The following STS variants were observed in gnomAD, a reference collection of about 807,000 sequenced individuals.
STS encodes the protein steryl-sulfatase.
A neutral mutation model predicts 26.8 loss-of-function variants in STS; 7 were observed. The ratio of observed to expected loss-of-function variants is 0.26; its 90% confidence interval spans 0.15 to 0.49. The LOEUF is 0.49. Among genes scored for constraint, STS ranks in the 20% least tolerant of loss-of-function variants. The pLI is 0.98. For synonymous variants in STS, 199 were observed against 189.4 expected, an observed-to-expected ratio of 1.05 and a Z score of -0.42; for missense variants, 434 against 465.6, an observed-to-expected ratio of 0.93 and a Z score of 0.63.
intron 2 of STS, among the ~76,000 whole-genome samples, chrX:7,226,737 A>T (rs12388580): frequency 1.5e-4 from 16 of 109,729 alleles, no homozygotes; most frequent in Non-Finnish European, 2.7e-4. Context: ...CTACAAAAAT[A>T]AAAAAATTAG....
intron 8 of STS, among the ~76,000 whole-genome samples, chrX:7,319,966 T>TTATATATATA (rs1926892533): frequency 1.1e-5 from 1 of 90,736 alleles, no homozygotes; most frequent in African/African-American, 4.5e-5. Flanking sequence ...TATATATATA[T>TTATATATATA]TTTATATATA....
intron 2 of STS, among the ~76,000 whole-genome samples, chrX:7,211,249 C>T (rs757491638): frequency 2.0e-4 from 22 of 111,828 alleles, no homozygotes; most frequent in Non-Finnish European, 4.1e-4. Flanking sequence ...TCTTTGGGCT[C>T]AGGAGTCCAA....
chrX:7,166,320 A>G (rs2146993550), intron 1 of STS, among the ~76,000 whole-genome samples: 1 of 110,136 alleles, frequency 9.1e-6, no homozygotes, highest in East Asian at 2.9e-4. Context: ...ATTATCTTAT[A>G]TTTTGCTTCA....
intron 2 of STS, among the ~76,000 whole-genome samples, chrX:7,205,593 TTTTTCTTTTTCTTTTCTTTTCTTTCG>T (rs1364354254): frequency 9.1e-6 from 1 of 109,309 alleles, no homozygotes; most frequent in Non-Finnish European, 1.9e-5. Context: ...TTTCTTTTTC[TTTTTCTTTTTCTTTTCTTTTCTTTCG>T]TTTTCTTTTC....
At chrX:7,293,934 C>T (rs1485947966) in intron 7 of STS, among the ~76,000 whole-genome samples, 2 of 110,557 alleles carry the variant, frequency 1.8e-5, no homozygotes, top group East Asian at 5.7e-4. Context: ...CCAGCCTGGG[C>T]AACAAAGTAA....
At chrX:7,197,442 A>G (rs1258037356) in intron 2 of STS, among the ~76,000 whole-genome samples, 2 of 110,998 alleles carry the variant, frequency 1.8e-5, no homozygotes, top group African/African-American at 6.6e-5. Context: ...AAGTGGTGAA[A>G]GTACAGCTAC....
intron 8 of STS, among the ~76,000 whole-genome samples, chrX:7,311,162 T>G (rs1926459364): frequency 9.1e-6 from 1 of 110,389 alleles, no homozygotes; most frequent in Non-Finnish European, 1.9e-5. Flanking sequence ...ATTTTCCATC[T>G]TGTCCAGGCC....
In STS at chrX:7,349,932, C is replaced by T; in HGVS notation, c.1408C>T (p.Pro470Ser). 2 of 1,211,773 alleles carry T rather than the reference C, an allele frequency of 1.7e-6. No homozygotes were observed. Among genetic ancestry groups the T allele is most frequent in the Non-Finnish European group, 2.2e-6 (2 of 895,425 alleles). ...KAFFFTPNFN[P>S]VGSNGCFATH... is the part of the protein sequence containing the mutation. The stretch of plus-strand genomic sequence containing the variant: ...CTTTTTCTTCACCCCCAACTTCAAC[C>T]CCGTGGGTTCCAACGGATGCTTTGC... Residue 470 changes from proline (P) to serine (S), a missense_variant, in exon 11 of 11, where the codon CCC (proline) becomes TCC (serine). Physicochemically the swap from Pro to Ser is moderately conservative, Grantham distance 74. This residue lies in a region of STS where 205 missense variants were observed against 177.3 expected (regional missense o/e 1.16). Coordinates refer to ENST00000674429, the MANE Select transcript of STS (RefSeq NM_001320752.2).
intron 9 of STS, among the ~76,000 whole-genome samples, chrX:7,333,668 C>T (rs1927870028): frequency 8.9e-6 from 1 of 112,451 alleles, no homozygotes; most frequent in African/African-American, 3.2e-5. Flanking sequence ...GTATGAATGC[C>T]AGATCAGCTG....
At chrX:7,300,348 A>G (rs1270642376) in intron 7 of STS, among the ~76,000 whole-genome samples, 1 of 111,996 alleles carries the variant, frequency 8.9e-6, no homozygotes, top group Non-Finnish European at 1.9e-5. Context: ...ACTCTATATA[A>G]ATCAGTGTCA....
chrX:7,337,460 A>G (rs774102013), intron 10 of STS, among the ~76,000 whole-genome samples: 6 of 112,224 alleles, frequency 5.3e-5, no homozygotes, highest in Non-Finnish European at 5.6e-5. Flanking sequence ...TAAACTAGTA[A>G]TAGTTGAGTG....
intron 7 of STS, among the ~76,000 whole-genome samples, chrX:7,293,880 C>A (rs1925537578): frequency 9.0e-6 from 1 of 111,002 alleles, no homozygotes; most frequent in Non-Finnish European, 1.9e-5. Flanking sequence ...AGCTTGAGAC[C>A]AGGTGTTTGA....
intron 7 of STS, among the ~76,000 whole-genome samples, chrX:7,276,942 T>C (rs1924567667): frequency 8.9e-6 from 1 of 112,132 alleles, no homozygotes; most frequent in Non-Finnish European, 1.9e-5. Context: ...TATGCTTTTA[T>C]TTTGTCTTGC....
chrX:7,240,493 A>G (rs762230080), intron 2 of STS, among the ~76,000 whole-genome samples: 868 of 72,601 alleles, frequency 0.012, 20 homozygotes, highest in African/African-American at 0.043. Flanking sequence ...ACAGATATGT[A>G]TGTGTGTGTG....
In STS at chrX:7,227,612, G is replaced by A. The variant is rs186759671; in HGVS notation, c.-4-25584G>A. ...ACATATTATTAGGCCAAGTTTCCAA[G>A]CAAAAGTCTTAGAATAGACATAAAG... On this transcript the variant is annotated intron_variant, in intron 2 of 10. Transcript: ENST00000674429. 2.4e-4 allele frequency among the ~76,000 whole-genome samples: 27 copies of A among 111,247 alleles called. No individual in the cohort carries two copies. In the South Asian group the frequency reaches 0.01, roughly 42 times the overall value.
chrX:7,267,369 G>C (rs1022556072), intron 6 of STS, among the ~76,000 whole-genome samples: 2 of 112,067 alleles, frequency 1.8e-5, no homozygotes, highest in Non-Finnish European at 3.8e-5. Context: ...AAAATAAAGC[G>C]TAAGGATGAT....
intron 1 of STS, among the ~76,000 whole-genome samples, chrX:7,171,246 G>C (rs1933461886): frequency 9.0e-6 from 1 of 111,528 alleles, no homozygotes; most frequent in South Asian, 3.8e-4. Flanking sequence ...GAGTTGGTGA[G>C]CTGAATCTGC....
chrX:7,241,149 TA>T (rs1167633397), intron 2 of STS, among the ~76,000 whole-genome samples: 1 of 111,899 alleles, frequency 8.9e-6, no homozygotes, highest in African/African-American at 3.3e-5. Context: ...ACAATAATGA[TA>T]AAAAACAAAG....
intron 6 of STS, among the ~76,000 whole-genome samples, chrX:7,263,817 TTG>T (rs1309403350): frequency 3.3e-5 from 3 of 90,990 alleles, no homozygotes; most frequent in Non-Finnish European, 2.3e-5. Flanking sequence ...GTGTGTGTGT[TTG>T]TGTATATATA....
Sources: gnomAD v4.1 joint callset for allele counts (sites outside exome capture counted in the v4.1 genomes callset) on GRCh38, gnomAD v4.1.1 for gene constraint, gnomAD v4.1.1 regional missense constraint, MANE v1.5 for transcripts, NCBI Gene and HGNC (gene_info 2026-07-23, HGNC 2026-07-21) for gene names.